Variants in KIAA1958 observed in about 807,000 individuals in gnomAD.
KIAA1958 encodes the protein uncharacterized protein KIAA1958.
Under a neutral mutation model 47.2 loss-of-function variants are expected in KIAA1958, and 14 were observed. That is an observed-to-expected ratio of 0.30 (90% CI 0.20 to 0.46). The LOEUF (loss-of-function observed/expected upper bound fraction) is 0.46. KIAA1958 is among the 20% of genes least tolerant of loss of function. The pLI is 1.00. For synonymous variants in KIAA1958, 354 were observed against 353.3 expected (o/e 1.00, Z -0.02); for missense variants, 803 against 909.2 (o/e 0.88, Z 1.50).
At chr9:112,631,534 G>GAAAAAAAAAAA (rs57805823) in intron 2 of KIAA1958, among the ~76,000 whole-genome samples, 1 of 98,306 alleles carries the variant, frequency 1.0e-5, no homozygotes, top group African/African-American at 3.7e-5. Flanking sequence ...CTCTCTCAAA[G>GAAAAAAAAAAA]AAAAAAAAAA....
At chr9:112,650,949 TC>T (rs1324091025) in intron 3 of KIAA1958, among the ~76,000 whole-genome samples, 1 of 152,196 alleles carries the variant, frequency 6.6e-6, no homozygotes, top group East Asian at 1.9e-4. Context: ...GAAGGAAATT[TC>T]ATAGTGATAA....
rs1837355466 is a variant in KIAA1958, at chr9:112,666,714, G to T, written c.*6645G>T. The T allele has an allele frequency of 6.6e-6, 1 of 152,148 alleles. No homozygotes were observed. 9.4% of individuals were successfully genotyped at this position (152,148 alleles called of 1,614,324 possible). ...ATTCCTGGCTTACTTCATGAAACAG[G>T]CCCTGTGAAATTAAAAACATGAAAG... On this transcript the variant is annotated 3_prime_UTR_variant, in exon 4 of 4. Coordinates refer to ENST00000337530, the MANE Select transcript of KIAA1958 (RefSeq NM_133465.4).
At chr9:112,561,453 A>C (rs1024668813) in intron 1 of KIAA1958, among the ~76,000 whole-genome samples, 2 of 152,206 alleles carry the variant, frequency 1.3e-5, no homozygotes, top group Non-Finnish European at 1.5e-5. Context: ...CCATGTGAGC[A>C]CAGTTCATGA....
chr9:112,657,543 T>C (rs1214500546), intron 3 of KIAA1958, among the ~76,000 whole-genome samples: 1 of 152,206 alleles, frequency 6.6e-6, no homozygotes, highest in Non-Finnish European at 1.5e-5. Flanking sequence ...TACATTTTGA[T>C]ATATAATGTT....
intron 2 of KIAA1958, among the ~76,000 whole-genome samples, chr9:112,605,035 T>A (rs546559849): frequency 8.8e-5 from 13 of 147,758 alleles, no homozygotes; most frequent in African/African-American, 3.2e-4. Context: ...TTATATACAT[T>A]ATGTATTTTT....
chr9:112,622,347 A>G (rs1221405501), intron 2 of KIAA1958, among the ~76,000 whole-genome samples: 1 of 152,234 alleles, frequency 6.6e-6, no homozygotes, highest in East Asian at 1.9e-4. Flanking sequence ...TGTTCCTCAC[A>G]TGACTGAAAG....
intron 2 of KIAA1958, among the ~76,000 whole-genome samples, chr9:112,591,261 T>G (rs989240426): frequency 6.6e-6 from 1 of 152,000 alleles, no homozygotes; most frequent in Non-Finnish European, 1.5e-5. Flanking sequence ...TTTTTTTGTA[T>G]TTTTAGTAGA....
chr9:112,623,849 G>C (rs1836552885), intron 2 of KIAA1958, among the ~76,000 whole-genome samples: 1 of 152,318 alleles, frequency 6.6e-6, no homozygotes, highest in South Asian at 2.1e-4. Flanking sequence ...CCATTGACCA[G>C]ATACTAAATA....
chr9:112,591,702 G>A (rs1023282553), intron 2 of KIAA1958, among the ~76,000 whole-genome samples: 2 of 151,806 alleles, frequency 1.3e-5, no homozygotes, highest in Admixed American at 1.3e-4. Context: ...AGACCATTCC[G>A]GGCAACACAG....
chr9:112,626,248 T>G (rs1033530730), intron 2 of KIAA1958, among the ~76,000 whole-genome samples: 9 of 152,218 alleles, frequency 5.9e-5, no homozygotes, highest in Admixed American at 6.5e-5. Flanking sequence ...TTGCTTACTC[T>G]TCTGAAAAGG....
intron 2 of KIAA1958, among the ~76,000 whole-genome samples, chr9:112,644,741 A>G (rs997201820): frequency 1.3e-5 from 2 of 151,780 alleles, no homozygotes; most frequent in Non-Finnish European, 2.9e-5. Flanking sequence ...TTTTTCTCTC[A>G]CTTGACCTTC....
chr9:112,636,775 G>A (rs1836811913), intron 2 of KIAA1958, among the ~76,000 whole-genome samples: 1 of 152,212 alleles, frequency 6.6e-6, no homozygotes, highest in East Asian at 1.9e-4. Flanking sequence ...TATGTAAGGT[G>A]TATTTTTCCC....
intron 1 of KIAA1958, among the ~76,000 whole-genome samples, chr9:112,535,672 C>A (rs1834842523): frequency 6.6e-6 from 1 of 152,078 alleles, no homozygotes; most frequent in South Asian, 2.1e-4. Flanking sequence ...AATGGCTATA[C>A]CAATTTGCAT....
chr9:112,557,203 T>C (rs1350950723), intron 1 of KIAA1958, among the ~76,000 whole-genome samples: 2 of 152,108 alleles, frequency 1.3e-5, no homozygotes, highest in Non-Finnish European at 2.9e-5. Flanking sequence ...TAAGCAGTCC[T>C]CCCTGGTTGG....
At chr9:112,595,518 G>A (rs866913294) in intron 2 of KIAA1958, among the ~76,000 whole-genome samples, 4 of 151,774 alleles carry the variant, frequency 2.6e-5, no homozygotes, top group South Asian at 2.1e-4. Context: ...AAAATTAGCC[G>A]AGTGTGGTGG....
At chr9:112,530,213 C>T (rs557646960) in intron 1 of KIAA1958, among the ~76,000 whole-genome samples, 1 of 152,280 alleles carries the variant, frequency 6.6e-6, no homozygotes, top group East Asian at 1.9e-4. Context: ...GTGGTCTGTT[C>T]TCTCCCATTT....
intron 1 of KIAA1958, among the ~76,000 whole-genome samples, chr9:112,502,881 C>T (rs986530886): frequency 6.6e-5 from 10 of 152,216 alleles, no homozygotes; most frequent in Non-Finnish European, 1.3e-4. Flanking sequence ...ATATGTCCAT[C>T]AGTAGGGGAA....
chr9:112,539,891 A>AT (rs1834913128), intron 1 of KIAA1958, among the ~76,000 whole-genome samples: 1 of 151,992 alleles, frequency 6.6e-6, no homozygotes, highest in Non-Finnish European at 1.5e-5. Flanking sequence ...GGGTTTCACC[A>AT]TGTTGGCCAG....
At chr9:112,557,784 A>T (rs149635262) in intron 1 of KIAA1958, among the ~76,000 whole-genome samples, 1 of 152,380 alleles carries the variant, frequency 6.6e-6, no homozygotes, top group African/African-American at 2.4e-5. Flanking sequence ...TCATATTTAT[A>T]CTTGACCAAA....
Sources: allele counts gnomAD v4.1 joint callset (sites outside exome capture counted in the v4.1 genomes callset), GRCh38; gene constraint gnomAD v4.1.1; transcripts MANE v1.5; gene names NCBI Gene and HGNC (gene_info 2026-07-23, HGNC 2026-07-21).